ITGAL: variants seen among roughly 807,000 people sequenced by gnomAD.
ITGAL encodes integrin subunit alpha L, also known as integrin alpha-L.
A neutral mutation model predicts 138.4 loss-of-function variants in ITGAL; 68 were observed. The ratio of observed to expected loss-of-function variants is 0.49; its 90% CI spans 0.40 to 0.60. The LOEUF is 0.60. ITGAL is among the 20% of genes least tolerant of loss of function. The pLI is 0.00. For synonymous variants in ITGAL, 561 were observed against 584.3 expected (o/e 0.96, Z 0.57); for missense variants, 1,256 against 1,478.6 (o/e 0.85, Z 2.47).
At chr16:30,485,689 TTTTTTTGTA>T (rs907387083) in intron 9 of ITGAL, among the ~76,000 whole-genome samples, 1 of 151,076 alleles carries the variant, frequency 6.6e-6, no homozygotes, top group Non-Finnish European at 1.5e-5. Flanking sequence ...TTTTTTTTTT[TTTTTTTGTA>T]TTTTTTGTAT....
intron 29 of ITGAL, 47 bp from the exon 30 acceptor site, chr16:30,519,810 A>T: frequency 8.1e-7 from 1 of 1,233,434 alleles, no homozygotes; most frequent in Non-Finnish European, 1.2e-6. Flanking sequence ...AGGGACTTTC[A>T]GGGGTGGAAA....
intron 6 of ITGAL, chr16:30,481,143 AACACAC>A (rs60456127): frequency 0.28 from 61,172 of 215,242 alleles, 7,234 homozygotes; most frequent in East Asian, 0.52. Context: ...CTCTACTAAA[AACACAC>A]ACACACACAC....
At chr16:30,520,050 C>T (rs2051230282) in intron 30 of ITGAL, 83 bp downstream of exon 30, 2 of 1,052,592 alleles carry the variant, frequency 1.9e-6, no homozygotes, top group African/African-American at 1.5e-5. Context: ...GAGGAGAATA[C>T]CAAGCCAGAG....
chr16:30,499,817 C>T (rs1361245337), intron 17 of ITGAL, among the ~76,000 whole-genome samples: 3 of 145,898 alleles, frequency 2.1e-5, no homozygotes, highest in Admixed American at 6.9e-5. Context: ...AGCACGATCT[C>T]GGCTCATGGC....
chr16:30,475,451 G>A (rs2050456884), intron 3 of ITGAL, 51 bp downstream of exon 3: 1 of 1,600,500 alleles, frequency 6.2e-7, no homozygotes, highest in African/African-American at 1.3e-5. Context: ...GGGAAACTGA[G>A]GCTGGCCCCA....
rs760710456 is a variant in ITGAL at position 30,517,038 on chromosome 16, A to G, written c.2928A>G (p.Pro976=). 6.2e-7 allele frequency: 1 copy of G among 1,613,578 alleles called. No individual in the cohort carries two copies. The highest frequency in any genetic ancestry group is 8.5e-7 in the Non-Finnish European group (1 of 1,179,686). Residue 976 remains proline (P), a synonymous_variant, in exon 26 of 31, where the codon CCA becomes CCG. Transcript: ENST00000356798. ...CCCTGGAGGCTGTGGTTGGGGTGCC[A>G]CAGCCTCCCAGCGAGGGGCCCATCA... is the stretch of plus-strand genomic sequence containing the variant. ...IPTLEAVVGV[P]QPPSEGPITH...
chr16:30,499,701 A>ATATATATATACG (rs2050858420), intron 17 of ITGAL: 1 of 97,272 alleles, frequency 1.0e-5, no homozygotes, highest in African/African-American at 3.9e-5. Flanking sequence ...ATATATGTGT[A>ATATATATATACG]TATATATATA....
Position 30,472,898 on chromosome 16 carries a change from G to A in ITGAL, c.61G>A (p.Ala21Thr), listed in dbSNP as rs1169386767. The change falls in exon 1 of 31, where the codon GCG (alanine) becomes ACG (threonine). Residue 21 changes from alanine to threonine, a missense_variant and splice_region_variant. Ala to Thr is a moderately conservative substitution (Grantham distance 58). Around this residue, in one of 3 missense-constraint regions of ITGAL, gnomAD observed 212 missense variants for 217.4 expected, o/e 0.98. Coordinates refer to ENST00000356798, the MANE Select transcript of ITGAL (RefSeq NM_002209.3). ...GCTGCTGTCTGGGTTCTTTTTCTTC[G>A]GTAGGCAAGGGAGGAGGCAGGGGAA... ...MALLSGFFFF[A>T]PASSYNLDVR... 5 of 1,612,472 alleles carry A rather than the reference G, an allele frequency of 3.1e-6. No homozygotes were observed. The highest frequency in any genetic ancestry group is 2.2e-5 in the East Asian group (1 of 44,874).
chr16:30,479,648 C>CTTTTTTTTTTT (rs59770529), intron 6 of ITGAL, among the ~76,000 whole-genome samples, 187 bp downstream of exon 6: 1 of 72,830 alleles, frequency 1.4e-5, no homozygotes, highest in African/African-American at 5.6e-5. Flanking sequence ...TTCTCATTTC[C>CTTTTTTTTTTT]TTTTTTTTTT....
In ITGAL at chr16:30,496,286, C is replaced by T. The variant is rs749226538; in HGVS notation, c.1693C>T (p.Pro565Ser). 8 of 1,599,340 alleles carry T rather than the reference C, an allele frequency of 5.0e-6. No homozygotes were observed. The Admixed American group carries it at 1.4e-4, about 27-fold the overall frequency. The part of the protein sequence containing the change: ...NGRHGGLSPQ[P>S]SQRIEGTQVL... ...GAGGCACGGGGGGCTTAGTCCCCAGCCAAGTCAGGTGACGTATGCTGCCTG... is the reference window on the plus strand; with the variant it reads ...GAGGCACGGGGGGCTTAGTCCCCAGTCAAGTCAGGTGACGTATGCTGCCTG... The change falls in exon 14 of 31, where the codon CCA becomes TCA. Residue 565 changes from proline (P) to serine (S), a missense_variant. Physicochemically the swap from Pro to Ser is moderately conservative, Grantham distance 74. This residue lies in a region of ITGAL where 867 missense variants were observed against 972.5 expected (regional missense o/e 0.89). Transcript: ENST00000356798.
At chr16:30,496,729 A>G (rs1345336860) in intron 15 of ITGAL, among the ~76,000 whole-genome samples, 163 bp downstream of exon 15, 1 of 151,770 alleles carries the variant, frequency 6.6e-6, no homozygotes, top group Non-Finnish European at 1.5e-5. Context: ...GCAGCCTCGA[A>G]CTGCTGGGCT....
chr16:30,494,656 C>A lies in ITGAL; in HGVS notation c.1366-57C>A. ...AGATGAACACGGTACAGGTATCTCC[C>A]TGCCAACCCCTGCTGTTCCCACAGG... On this transcript the variant is annotated intron_variant, in intron 12 of 30. Transcript: ENST00000356798. The surrounding 1 kb of genome is among the most constrained non-coding windows in gnomAD (Gnocchi z 4.2). 6.5e-7 allele frequency: 1 copy of A among 1,547,086 alleles called. No individual in the cohort carries two copies. The highest frequency in any genetic ancestry group is 1.2e-5 in the South Asian group (1 of 81,632).
At position 30,517,841 on chromosome 16, in the gene ITGAL, G is replaced by T; in HGVS notation, c.3078G>T (p.Arg1026Ser). The T allele has an allele frequency of 6.2e-7, 1 of 1,614,162 alleles. No homozygotes were observed. Among genetic ancestry groups the T allele is most frequent in the Non-Finnish European group, 8.5e-7 (1 of 1,180,034 alleles). ...GALFRCPVVF[R>S]QEILVQVIGT... ...TGTTCCGCTGCCCTGTTGTCTTCAG[G>T]CAGGAGATCCTCGTCCAAGTGATCG... is the stretch of plus-strand genomic sequence containing the variant. The change falls in exon 28 of 31, where the codon AGG (arginine) becomes AGT (serine). Residue 1026 changes from arginine (R) to serine (S), a missense_variant. Transcript: ENST00000356798.
Position 30,517,082 on chromosome 16 carries a change from A to C in ITGAL, c.2972A>C (p.Gln991Pro). Residue 991 changes from glutamine to proline, a missense_variant, in exon 26 of 31, where the codon CAG (glutamine) becomes CCG (proline). Coordinates refer to ENST00000356798, the MANE Select transcript of ITGAL (RefSeq NM_002209.3). ...CCCATCACACACCAGTGGAGCGTGC[A>C]GATGGTGAGTGCTGCCTGTAGAGGG... ...EGPITHQWSV[Q>P]MEPPVPCHYE... The C allele has an allele frequency of 6.3e-7, 1 of 1,596,888 alleles. No homozygotes were observed. The highest frequency in any genetic ancestry group is 8.6e-7 in the Non-Finnish European group (1 of 1,166,592).
At chr16:30,488,486 G>A (rs1386075470) in intron 9 of ITGAL, among the ~76,000 whole-genome samples, 1 of 151,888 alleles carries the variant, frequency 6.6e-6, no homozygotes, top group East Asian at 1.9e-4. Flanking sequence ...GCCGAGGCGG[G>A]TGGATCACCT....
chr16:30,488,741 A>T, intron 9 of ITGAL: 1 of 230,346 alleles, frequency 4.3e-6, no homozygotes, highest in Non-Finnish European at 8.6e-6. Flanking sequence ...GCCAGGTGTG[A>T]TGGTGTGTGC....
At chr16:30,483,792 G>A in intron 7 of ITGAL, 35 bp from the exon 8 acceptor site, 1 of 1,581,742 alleles carries the variant, frequency 6.3e-7, no homozygotes, top group Non-Finnish European at 8.6e-7. Flanking sequence ...CCCTAGTTTG[G>A]GGGAGTCTCT....
rs551490105 is a variant in ITGAL at position 30,509,932 on chromosome 16, G to A, written c.2509-429G>A. Among the ~76,000 whole-genome samples the A allele has an allele frequency of 7.2e-5, 11 of 151,966 alleles. No homozygotes were observed. In the East Asian group the frequency reaches 1.2e-3, roughly 16 times the overall value. On this transcript the variant is annotated intron_variant, in intron 21 of 30. Coordinates refer to ENST00000356798, the MANE Select transcript of ITGAL (RefSeq NM_002209.3). ...CACATCCCTGTAGTCCCAGCTACTC[G>A]GGAGGCTGAGGCAGGAGGATCGCTT...
chr16:30,518,526 C>G, intron 28 of ITGAL, 98 bp from the exon 29 acceptor site: 1 of 763,660 alleles, frequency 1.3e-6, no homozygotes, highest in Non-Finnish European at 2.4e-6. Flanking sequence ...CCCTGGAACC[C>G]CTTCTCTGCC....
Sources: allele counts gnomAD v4.1 joint callset (sites outside exome capture counted in the v4.1 genomes callset), GRCh38; gene constraint gnomAD v4.1.1; regional missense constraint gnomAD v4.1.1; non-coding constraint Gnocchi (gnomAD v3.1); transcripts MANE v1.5; gene names NCBI Gene and HGNC (gene_info 2026-07-23, HGNC 2026-07-21).